The following PKHD1L1 variants were observed in gnomAD, a reference collection of about 807,000 sequenced individuals.
The protein encoded by PKHD1L1 is fibrocystin-L.
In PKHD1L1, 434 loss-of-function variants were observed where a neutral mutation model predicts 462.9. That is an observed-to-expected ratio of 0.94 (90% CI 0.87 to 1.02). The LOEUF (loss-of-function observed/expected upper bound fraction) is 1.02. Ranked by LOEUF, PKHD1L1 falls within the 50% of genes least tolerant of loss-of-function variation. The pLI is 0.00. For missense variants in PKHD1L1, 5,202 were observed against 5,096.1 expected, an observed-to-expected ratio of 1.02 and a Z score of -0.63; for synonymous variants, 1,781 against 1,750.0, an observed-to-expected ratio of 1.02 and a Z score of -0.44.
chr8:109,383,939 A>T, intron 4 of PKHD1L1, 131 bp from the exon 5 acceptor site: 2 of 710,640 alleles, frequency 2.8e-6, no homozygotes, highest in East Asian at 5.3e-5. Flanking sequence ...TCTTATTTAA[A>T]TATCTTCTTT....
chr8:109,419,200 C>G lies in PKHD1L1; in HGVS notation c.2464C>G (p.Gln822Glu). ...TAGCTTACATAAAGCATCAGAATCA[C>G]AGTCCTTCTATGTGGATGTAGTGTA... ...RISLHKASES[Q>E]SFYVDVVYIG... The change falls in exon 22 of 78, where the codon CAG (glutamine) becomes GAG (glutamate). Residue 822 changes from glutamine to glutamate, a missense_variant. Gln to Glu is a conservative substitution (Grantham distance 29). Around this residue, in one of 3 missense-constraint regions of PKHD1L1, gnomAD observed 4,497 missense variants for 4,336.8 expected, o/e 1.04. Transcript: ENST00000378402. The G allele has an allele frequency of 6.2e-7, 1 of 1,613,172 alleles. No homozygotes were observed. The highest frequency in any genetic ancestry group is 8.5e-7 in the Non-Finnish European group (1 of 1,179,392).
In PKHD1L1 at chr8:109,386,395, A is replaced by C. The variant is rs79806376; in HGVS notation, c.569+765A>C. On this transcript the variant is annotated intron_variant, in intron 6 of 77. Coordinates refer to ENST00000378402, the MANE Select transcript of PKHD1L1 (RefSeq NM_177531.6). ...TGTTTATCAAACTCATGCATAAAAC[A>C]GGTAAATGGATAAGTTAAACAATTC... Among the ~76,000 whole-genome samples, 427 of 152,320 alleles carry C rather than the reference A, an allele frequency of 2.8e-3. 2 individuals are homozygous for C. Among genetic ancestry groups the C allele is most frequent in the African/African-American group, 9.8e-3 (406 of 41,590 alleles).
At position 109,532,873 on chromosome 8, in the gene PKHD1L1, T is replaced by C. The variant is rs1821072349; in HGVS notation, c.*2783T>C. ...TCCCTAGCACTAATAATAACAATAA[T>C]CAATAATAAAGTAAAGGTTTATCAC... is the stretch of plus-strand genomic sequence containing the variant. On this transcript the variant is annotated 3_prime_UTR_variant, in exon 78 of 78. Coordinates refer to ENST00000378402, the MANE Select transcript of PKHD1L1 (RefSeq NM_177531.6). 6.6e-6 allele frequency among the ~76,000 whole-genome samples: 1 copy of C among 152,198 alleles called. No individual in the cohort carries two copies.
At position 109,479,640 on chromosome 8, in the gene PKHD1L1, G is replaced by T; in HGVS notation, c.9178+1G>T. On this transcript the variant is annotated splice_donor_variant, in intron 54 of 77. Transcript: ENST00000378402. LOFTEE classifies it high-confidence loss of function. Reference sequence around the variant, plus strand: ...GGGGCAAATGTGATTATACCTGAAGGTAAATGCGTAAACACAAATGAATGA... The same window carrying T: ...GGGGCAAATGTGATTATACCTGAAGTTAAATGCGTAAACACAAATGAATGA... 6.8e-7 allele frequency: 1 copy of T among 1,461,904 alleles called. No homozygotes were observed. Among genetic ancestry groups the T allele is most frequent in the Non-Finnish European group, 9.5e-7 (1 of 1,057,292 alleles). The allele number at this position is 1,461,904 out of a possible 1,614,324, so 90.6% of individuals were successfully genotyped here.
Position 109,531,808 on chromosome 8 carries a change from T to C in PKHD1L1, c.*1718T>C, listed in dbSNP as rs1821047787. Among the ~76,000 whole-genome samples the C allele has an allele frequency of 6.6e-6, 1 of 152,124 alleles. No homozygotes were observed. The highest frequency in any genetic ancestry group is 1.5e-5 in the Non-Finnish European group (1 of 68,026). Reference sequence around the variant, plus strand: ...AGCACCAGGTAACAGAGCACTTTTATACTCCCCTCAGTTCCAACCCTGGTG... The same window carrying C: ...AGCACCAGGTAACAGAGCACTTTTACACTCCCCTCAGTTCCAACCCTGGTG... On this transcript the variant is annotated 3_prime_UTR_variant, in exon 78 of 78. Coordinates refer to ENST00000378402, the MANE Select transcript of PKHD1L1 (RefSeq NM_177531.6).
intron 47 of PKHD1L1, among the ~76,000 whole-genome samples, chr8:109,460,702 G>A (rs1418417186): frequency 6.6e-6 from 1 of 152,102 alleles, no homozygotes; most frequent in Non-Finnish European, 1.5e-5. Context: ...ACTGGACTAG[G>A]TTATGCTCTA....
At chr8:109,465,529 T>A (rs1170746455) in intron 49 of PKHD1L1, among the ~76,000 whole-genome samples, 2 of 152,188 alleles carry the variant, frequency 1.3e-5, no homozygotes, top group Non-Finnish European at 2.9e-5. Flanking sequence ...CATGGAAACA[T>A]TGATCACAAA....
At chr8:109,499,609 T>G (rs1440831799) in intron 67 of PKHD1L1, among the ~76,000 whole-genome samples, 1 of 152,242 alleles carries the variant, frequency 6.6e-6, no homozygotes, top group East Asian at 1.9e-4. Flanking sequence ...CCTTATGAAA[T>G]GAAGCCTTAA....
chr8:109,412,400 T>C lies in PKHD1L1; in HGVS notation c.2221T>C (p.Phe741Leu), dbSNP rs949750585. The stretch of plus-strand genomic sequence containing the variant: ...ACGACCATATGGAGATATTTTATTG[T>C]TTCCTTATAATCAGGTAAGCTCAAC... ...NRRPYGDILL[F>L]PYNQLCLAYK... is the part of the protein sequence containing the mutation. The change falls in exon 20 of 78, where the codon TTT (phenylalanine) becomes CTT (leucine). Residue 741 changes from phenylalanine to leucine, a missense_variant. Phe to Leu is a conservative substitution (Grantham distance 22, BLOSUM62 0). This residue lies in a region of PKHD1L1 where 4,497 missense variants were observed against 4,336.8 expected (regional missense o/e 1.04). Transcript: ENST00000378402. 11 of 1,611,816 alleles carry C rather than the reference T, an allele frequency of 6.8e-6. No homozygotes were observed. Among genetic ancestry groups the C allele is most frequent in the Non-Finnish European group, 9.3e-6 (11 of 1,178,784 alleles).
chr8:109,403,456 T>G (rs1813374330), intron 14 of PKHD1L1, among the ~76,000 whole-genome samples: 3 of 152,172 alleles, frequency 2.0e-5, no homozygotes, highest in Admixed American at 1.3e-4. Context: ...TTATGAGAAT[T>G]TTGTGAAGAT....
At chr8:109,478,453 T>C (rs1818109470) in intron 53 of PKHD1L1, among the ~76,000 whole-genome samples, 1 of 151,970 alleles carries the variant, frequency 6.6e-6, no homozygotes, top group African/African-American at 2.4e-5. Context: ...AAAAAATGGA[T>C]ATGGGGCTGG....
chr8:109,510,080 G>A (rs1453895317), intron 70 of PKHD1L1, among the ~76,000 whole-genome samples: 1 of 152,020 alleles, frequency 6.6e-6, no homozygotes, highest in East Asian at 1.9e-4. Context: ...TATTTCTTAG[G>A]TGGCTTCAGT....
rs545055868 is a variant in PKHD1L1 at position 109,438,092 on chromosome 8, A to G, written c.3628-232A>G. The stretch of plus-strand genomic sequence containing the variant: ...AATCCAATAATATAGATGCATTTAA[A>G]TTGATCATAAAACCCATAAAACTAC... On this transcript the variant is annotated intron_variant, in intron 30 of 77. Coordinates refer to ENST00000378402, the MANE Select transcript of PKHD1L1 (RefSeq NM_177531.6). 1.6e-4 allele frequency among the ~76,000 whole-genome samples: 25 copies of G among 152,312 alleles called. No homozygotes were observed. The East Asian group carries it at 4.4e-3, about 27-fold the overall frequency.
chr8:109,388,909 C>T lies in PKHD1L1; in HGVS notation c.624-170C>T, dbSNP rs926561368. Among the ~76,000 whole-genome samples, 5 of 152,118 alleles carry T rather than the reference C, an allele frequency of 3.3e-5. No homozygotes were observed. The East Asian group carries it at 9.6e-4, about 29-fold the overall frequency. The stretch of plus-strand genomic sequence containing the variant: ...ATTGTTGTATAAAATTTTATGCAAA[C>T]ATCTTCAACAAAGTCTGGGAAATAG... On this transcript the variant is annotated intron_variant, in intron 7 of 77. Coordinates refer to ENST00000378402, the MANE Select transcript of PKHD1L1 (RefSeq NM_177531.6).
rs890036975 is a variant in PKHD1L1 at position 109,497,193 on chromosome 8, A to G, written c.10520A>G (p.Asn3507Ser). Residue 3507 changes from asparagine to serine, a missense_variant, in exon 65 of 78, where the codon AAT becomes AGT. Physicochemically the swap from Asn to Ser is conservative, Grantham distance 46. Transcript: ENST00000378402. The part of the protein sequence containing the change: ...VHIYNVTLVD[N>S]GMAIFPMIYM... ...ATTTATAATGTGACCCTGGTTGACA[A>G]TGGAATGGCCATTTTTCCAATGATT... is the stretch of plus-strand genomic sequence containing the variant. The G allele has an allele frequency of 1.9e-6, 3 of 1,613,704 alleles. No individual in the cohort carries two copies. The highest frequency in any genetic ancestry group is 2.5e-6 in the Non-Finnish European group (3 of 1,179,768).
At chr8:109,524,639 T>A (rs1290447243) in intron 76 of PKHD1L1, among the ~76,000 whole-genome samples, 2 of 152,238 alleles carry the variant, frequency 1.3e-5, no homozygotes, top group Non-Finnish European at 2.9e-5. Context: ...TTTGGCATTT[T>A]ACTGTGGCAA....
At chr8:109,409,196 C>T (rs1813711599) in intron 18 of PKHD1L1, among the ~76,000 whole-genome samples, 2 of 151,742 alleles carry the variant, frequency 1.3e-5, no homozygotes, top group Admixed American at 6.6e-5. Context: ...GCATAATCTG[C>T]AATAATTTAT....
At chr8:109,445,718 T>C (rs1353052153) in intron 38 of PKHD1L1, 73 bp downstream of exon 38, 9 of 1,369,324 alleles carry the variant, frequency 6.6e-6, no homozygotes, top group Non-Finnish European at 8.9e-6. Flanking sequence ...ATTGGAATGA[T>C]ATTTGTAAAT....
At chr8:109,402,890 A>G (rs1047174224) in intron 14 of PKHD1L1, among the ~76,000 whole-genome samples, 2 of 152,240 alleles carry the variant, frequency 1.3e-5, no homozygotes, top group African/African-American at 2.4e-5. Context: ...GACATGGGGA[A>G]AGAGTTTCAT....
Sources: gnomAD v4.1 joint callset for allele counts (sites outside exome capture counted in the v4.1 genomes callset) on GRCh38, gnomAD v4.1.1 for gene constraint, gnomAD v4.1.1 regional missense constraint, MANE v1.5 for transcripts, NCBI Gene and HGNC (gene_info 2026-07-23, HGNC 2026-07-21) for gene names.